The following WWOX variants were observed in gnomAD, a reference collection of about 807,000 sequenced individuals.
WWOX encodes WW domain-containing oxidoreductase.
Under a neutral mutation model 46.2 loss-of-function variants are expected in WWOX, and 69 were observed. The ratio of observed to expected loss-of-function variants is 1.49; its 90% CI spans 1.23 to 1.82. WWOX has a LOEUF of 1.82. WWOX is among the 40% of genes most tolerant of loss of function. The pLI, the probability that WWOX is intolerant of heterozygous loss-of-function variation, is 0.00. For synonymous variants in WWOX, 359 were observed against 202.6 expected, an observed-to-expected ratio of 1.77 and a Z score of -6.56; for missense variants, 919 against 542.6, an observed-to-expected ratio of 1.69 and a Z score of -6.89.
intron 8 of WWOX, among the ~76,000 whole-genome samples, chr16:78,564,921 T>C (rs532698344): frequency 6.6e-6 from 1 of 152,312 alleles, no homozygotes; most frequent in Non-Finnish European, 1.5e-5. Flanking sequence ...TTTGTATTTA[T>C]CCATGCCATC....
chr16:78,813,213 A>G (rs1436769674), intron 8 of WWOX, among the ~76,000 whole-genome samples: 1 of 151,958 alleles, frequency 6.6e-6, no homozygotes, highest in Non-Finnish European at 1.5e-5. Flanking sequence ...TTGCTATCAT[A>G]GCGTTACCTA....
rs79187355 is a variant in WWOX, at chr16:78,117,673, A to T, written c.409+2519A>T. ...ACTAAGCTATGAAACATGCCAATTTATAAATTGCTATCACTACTTTAGTTC... is the reference window on the plus strand; with the variant it reads ...ACTAAGCTATGAAACATGCCAATTTTTAAATTGCTATCACTACTTTAGTTC... On this transcript the variant is annotated intron_variant, in intron 4 of 8. Coordinates refer to ENST00000566780, the MANE Select transcript of WWOX (RefSeq NM_016373.4). Among the ~76,000 whole-genome samples the T allele has an allele frequency of 7.5e-3, 1,148 of 152,302 alleles. 21 individuals carry two copies. Among genetic ancestry groups the T allele is most frequent in the Admixed American group, 0.012 (189 of 15,300 alleles).
intron 8 of WWOX, among the ~76,000 whole-genome samples, chr16:79,026,201 T>C (rs1470912031): frequency 1.3e-5 from 2 of 151,764 alleles, no homozygotes; most frequent in Non-Finnish European, 2.9e-5. Context: ...AACCCTCATA[T>C]GCCCTAGAGG....
At chr16:78,889,175 G>T (rs772996572) in intron 8 of WWOX, among the ~76,000 whole-genome samples, 8 of 152,136 alleles carry the variant, frequency 5.3e-5, no homozygotes, top group Non-Finnish European at 1.2e-4. Flanking sequence ...ATAAGGATTC[G>T]TACCAGGGAT....
At chr16:79,189,116 G>A (rs2150802935) in intron 8 of WWOX, among the ~76,000 whole-genome samples, 1 of 152,278 alleles carries the variant, frequency 6.6e-6, no homozygotes, top group Admixed American at 6.5e-5. Context: ...AGAAACCTAG[G>A]GAGAGAGATG....
intron 8 of WWOX, chr16:78,756,990 G>C (rs1002759380): frequency 4.3e-6 from 3 of 702,750 alleles, no homozygotes; most frequent in Admixed American, 2.0e-5. Flanking sequence ...CCGTGTAGAA[G>C]AACTGAGCCT....
intron 5 of WWOX, among the ~76,000 whole-genome samples, chr16:78,371,786 TTCTTTA>T (rs144063229): frequency 0.053 from 8,096 of 152,324 alleles, 279 homozygotes; most frequent in East Asian, 0.12. Flanking sequence ...CCTGATGTTT[TTCTTTA>T]TCTTTATCAT....
intron 4 of WWOX, among the ~76,000 whole-genome samples, chr16:78,121,056 A>C (rs1315693177): frequency 6.6e-6 from 1 of 151,906 alleles, no homozygotes; most frequent in Non-Finnish European, 1.5e-5. Context: ...AGTCATTTTC[A>C]TGGGTAAAAC....
At chr16:78,394,466 A>G (rs992874462) in intron 6 of WWOX, among the ~76,000 whole-genome samples, 2 of 152,164 alleles carry the variant, frequency 1.3e-5, no homozygotes, top group South Asian at 2.1e-4. Context: ...ACATCAGGGA[A>G]GAATGCTTCC....
At chr16:78,956,552 G>T (rs1220002153) in intron 8 of WWOX, among the ~76,000 whole-genome samples, 1 of 151,978 alleles carries the variant, frequency 6.6e-6, no homozygotes, top group African/African-American at 2.4e-5. Context: ...TATTCTGTGG[G>T]TTTTCACAGA....
intron 8 of WWOX, among the ~76,000 whole-genome samples, chr16:78,546,532 C>T (rs114981788): frequency 3.3e-5 from 5 of 152,280 alleles, no homozygotes; most frequent in East Asian, 3.9e-4. Context: ...AGATTATTTA[C>T]GATTCCATTG....
chr16:78,608,216 A>C (rs1277754595), intron 8 of WWOX, among the ~76,000 whole-genome samples: 1 of 152,188 alleles, frequency 6.6e-6, no homozygotes, highest in Non-Finnish European at 1.5e-5. Flanking sequence ...CATGAGACAG[A>C]ACAAAGAAAA....
Position 78,171,634 on chromosome 16 carries a change from G to A in WWOX, c.516+7345G>A, listed in dbSNP as rs535685122. ...TCTGTAGCTAAACAAAAAGATAAAAGCTATTAATATTATTAATAGTTGTAG... is the reference window on the plus strand; with the variant it reads ...TCTGTAGCTAAACAAAAAGATAAAAACTATTAATATTATTAATAGTTGTAG... On this transcript the variant is annotated intron_variant, in intron 5 of 8. Transcript: ENST00000566780. Among the ~76,000 whole-genome samples the A allele has an allele frequency of 1.5e-4, 23 of 152,154 alleles. No homozygotes were observed. The South Asian group carries it at 2.1e-3, about 14-fold the overall frequency.
intron 8 of WWOX, among the ~76,000 whole-genome samples, chr16:78,706,781 C>T (rs2048336473): frequency 6.6e-6 from 1 of 152,142 alleles, no homozygotes; most frequent in Admixed American, 6.5e-5. Flanking sequence ...GCTACCCTTG[C>T]AACTGACTCA....
intron 8 of WWOX, among the ~76,000 whole-genome samples, chr16:78,838,001 C>T (rs1303835928): frequency 6.6e-6 from 1 of 152,150 alleles, no homozygotes; most frequent in African/African-American, 2.4e-5. Context: ...AAGGTCTTTG[C>T]ACCTCCCAAG....
chr16:78,480,125 C>G (rs562432886), intron 8 of WWOX, among the ~76,000 whole-genome samples: 1 of 152,290 alleles, frequency 6.6e-6, no homozygotes, highest in South Asian at 2.1e-4. Flanking sequence ...AATATGGTAG[C>G]CACGTGTGAC....
chr16:79,126,124 T>C (rs2049748846), intron 8 of WWOX, among the ~76,000 whole-genome samples: 1 of 152,154 alleles, frequency 6.6e-6, no homozygotes, highest in South Asian at 2.1e-4. Context: ...AGGGGCTTTC[T>C]TCCAGCTTGG....
chr16:78,455,699 A>G (rs888383407), intron 8 of WWOX, among the ~76,000 whole-genome samples: 2 of 150,536 alleles, frequency 1.3e-5, no homozygotes, highest in African/African-American at 2.4e-5. Flanking sequence ...ATATGATAAC[A>G]TTTCAAAATT....
chr16:79,075,490 G>A (rs548065851), intron 8 of WWOX, among the ~76,000 whole-genome samples: 9 of 151,724 alleles, frequency 5.9e-5, no homozygotes, highest in Non-Finnish European at 8.8e-5. Context: ...GCTTACATGT[G>A]TTAAATAATT....
Sources: allele counts gnomAD v4.1 joint callset (sites outside exome capture counted in the v4.1 genomes callset), GRCh38; gene constraint gnomAD v4.1.1; transcripts MANE v1.5; gene names NCBI Gene and HGNC (gene_info 2026-07-23, HGNC 2026-07-21).